Variants in UHRF1 observed in about 807,000 individuals in gnomAD.
The protein encoded by UHRF1 is E3 ubiquitin-protein ligase UHRF1.
A neutral mutation model predicts 96.5 loss-of-function variants in UHRF1; 9 were observed. The ratio of observed to expected loss-of-function variants is 0.09; its 90% CI spans 0.06 to 0.16. The LOEUF is 0.16. Among genes scored for constraint, UHRF1 ranks in the 10% least tolerant of loss-of-function variants. The probability of loss-of-function intolerance (pLI) is 1.00; values close to 1 mark genes in which losing one functional copy is unlikely to be tolerated. For synonymous variants in UHRF1, 455 were observed against 469.9 expected, an observed-to-expected ratio of 0.97 and a Z score of 0.41; for missense variants, 626 against 1,131.1, an observed-to-expected ratio of 0.55 and a Z score of 6.40.
intron 5 of UHRF1, among the ~76,000 whole-genome samples, chr19:4,933,465 C>T (rs1490485368): frequency 2.0e-5 from 3 of 152,152 alleles, no homozygotes; most frequent in East Asian, 1.9e-4. Context: ...CTGCCTGCCT[C>T]GGCCTCCCAA....
At chr19:4,959,481 C>A (rs1244664872) in intron 16 of UHRF1, among the ~76,000 whole-genome samples, 3 of 152,178 alleles carry the variant, frequency 2.0e-5, no homozygotes, top group African/African-American at 7.2e-5. Flanking sequence ...CATCTGTGCA[C>A]CTGTGTACGG....
chr19:4,948,200 C>T (rs1437991680), intron 11 of UHRF1, among the ~76,000 whole-genome samples: 3 of 151,506 alleles, frequency 2.0e-5, no homozygotes, highest in East Asian at 1.9e-4. Flanking sequence ...TGTCGTAGCA[C>T]AAAATCAGCC....
intron 2 of UHRF1, among the ~76,000 whole-genome samples, chr19:4,914,676 C>T (rs1288774086): frequency 6.7e-6 from 1 of 149,852 alleles, no homozygotes; most frequent in Non-Finnish European, 1.5e-5. Context: ...TTTTTGGCTG[C>T]ACATCAAAAT....
chr19:4,920,386 T>G (rs62112537), intron 2 of UHRF1, among the ~76,000 whole-genome samples: 1 of 151,704 alleles, frequency 6.6e-6, no homozygotes, highest in Admixed American at 6.6e-5. Flanking sequence ...GAGCTGAGAT[T>G]GCGCCACTGC....
intron 2 of UHRF1, among the ~76,000 whole-genome samples, chr19:4,928,519 G>A (rs1311786283): frequency 2.0e-5 from 3 of 152,216 alleles, no homozygotes; most frequent in African/African-American, 7.2e-5. Flanking sequence ...CAGGCCCCAG[G>A]GGTTGAGCGC....
At chr19:4,919,909 C>T (rs1764089932) in intron 2 of UHRF1, among the ~76,000 whole-genome samples, 1 of 151,948 alleles carries the variant, frequency 6.6e-6, no homozygotes, top group Admixed American at 6.6e-5. Flanking sequence ...CCTCCGCCTC[C>T]CGGGTTCAAG....
rs561963081 is a variant in UHRF1, at chr19:4,943,540, C to T, written c.1074-592C>T. 3.4e-5 allele frequency among the ~76,000 whole-genome samples: 5 copies of T among 146,106 alleles called. No individual in the cohort carries two copies. The East Asian group carries it at 1.1e-3, about 33-fold the overall frequency. The stretch of plus-strand genomic sequence containing the variant: ...AGAGATGGGGAAACTGAGTCCACGG[C>T]AGTGAGAAGGCACTCATGGAATCTG... On this transcript the variant is annotated intron_variant, in intron 7 of 16. Transcript: ENST00000650932.
intron 13 of UHRF1, among the ~76,000 whole-genome samples, chr19:4,951,906 C>A (rs1438272862): frequency 2.0e-5 from 3 of 152,142 alleles, no homozygotes; most frequent in Non-Finnish European, 4.4e-5. Context: ...AGCTTTACAG[C>A]AGACGAATCG....
chr19:4,934,026 T>G (rs1162495309), intron 5 of UHRF1, among the ~76,000 whole-genome samples: 2 of 132,182 alleles, frequency 1.5e-5, no homozygotes, highest in Non-Finnish European at 3.2e-5. Context: ...AAAATTTACC[T>G]TTTTTTTTTT....
intron 2 of UHRF1, among the ~76,000 whole-genome samples, chr19:4,928,684 T>C (rs2032948404): frequency 6.6e-6 from 1 of 152,162 alleles, no homozygotes; most frequent in African/African-American, 2.4e-5. Context: ...ACAGGGTCTC[T>C]CTGTCTCGAC....
chr19:4,943,380 C>A (rs773663497), intron 7 of UHRF1, among the ~76,000 whole-genome samples: 1 of 151,944 alleles, frequency 6.6e-6, no homozygotes, highest in African/African-American at 2.4e-5. Flanking sequence ...GTGTTCCTGG[C>A]GCACATAATG....
intron 5 of UHRF1, among the ~76,000 whole-genome samples, chr19:4,939,572 C>T (rs2033321506): frequency 6.6e-6 from 1 of 152,052 alleles, no homozygotes; most frequent in Non-Finnish European, 1.5e-5. Context: ...TGGCTCTATC[C>T]AGACTGTAGA....
intron 13 of UHRF1, among the ~76,000 whole-genome samples, chr19:4,951,585 C>T (rs529048574): frequency 1.8e-4 from 27 of 151,900 alleles, no homozygotes; most frequent in Middle Eastern, 3.4e-3. Context: ...CTCCGCCTGC[C>T]GCATCTCAGA....
rs35008694 is a variant in UHRF1 at position 4,924,826 on chromosome 19, GT to G, written c.154-4377del. On this transcript the variant is annotated intron_variant, in intron 2 of 16. Coordinates refer to ENST00000650932, the MANE Select transcript of UHRF1 (RefSeq NM_001048201.3). ...CACCAAGGCTTGCCCTTGGTGTTAA[GT>G]TTTTTTTTTTTTTTTTTTGAGACAG... 7.4e-3 allele frequency among the ~76,000 whole-genome samples: 937 copies of G among 127,302 alleles called. 4 individuals carry two copies. The highest frequency in any genetic ancestry group is 0.024 in the African/African-American group (802 of 33,942). The allele number at this position is 127,302 out of a possible 152,430, so 83.5% of individuals were successfully genotyped here. A position where few individuals can be genotyped will look rare whatever the true frequency, so the allele number is the denominator to read the frequency against.
chr19:4,924,351 G>A (rs1009945248), intron 2 of UHRF1, among the ~76,000 whole-genome samples: 6 of 152,022 alleles, frequency 3.9e-5, no homozygotes, highest in Admixed American at 6.6e-5. Context: ...GGGTTTCGCC[G>A]TGTTAGCCAG....
At chr19:4,926,735 A>G (rs1476227208) in intron 2 of UHRF1, among the ~76,000 whole-genome samples, 1 of 151,646 alleles carries the variant, frequency 6.6e-6, no homozygotes, top group African/African-American at 2.4e-5. Flanking sequence ...ACTGCCCTCC[A>G]TCCTTGGCAA....
rs1568183470 is a variant in UHRF1 at position 4,954,219 on chromosome 19, T to C, written c.1819-131T>C. ...AAAACTAGATAAGGGAGGACTACCC[T>C]GTGCTCTTCAGGGGGATTGGGGGTC... On this transcript the variant is annotated intron_variant, in intron 13 of 16. Transcript: ENST00000650932. This position sits in a 1 kb window ranked among gnomAD's most constrained non-coding sequence, Gnocchi z 5.9. 2 of 1,367,932 alleles carry C rather than the reference T, an allele frequency of 1.5e-6. No individual in the cohort carries two copies. Among genetic ancestry groups the C allele is most frequent in the African/African-American group, 1.5e-5 (1 of 68,832 alleles). The allele number at this position is 1,367,932 out of a possible 1,614,324, so 84.7% of individuals were successfully genotyped here. A position where few individuals can be genotyped will look rare whatever the true frequency, so the allele number is the denominator to read the frequency against.
chr19:4,940,141 G>A (rs1179266178), intron 5 of UHRF1, among the ~76,000 whole-genome samples: 1 of 151,736 alleles, frequency 6.6e-6, no homozygotes, highest in Admixed American at 6.6e-5. Context: ...TGTCTACACT[G>A]GGTTCTATGG....
intron 1 of UHRF1, chr19:4,910,140 G>A (rs1462264979): frequency 6.6e-6 from 1 of 152,056 alleles, no homozygotes; most frequent in Non-Finnish European, 1.5e-5. Context: ...CGGCGGGGGT[G>A]GGCGTGGGCT....
Sources: gnomAD v4.1 joint callset for allele counts (sites outside exome capture counted in the v4.1 genomes callset) on GRCh38, gnomAD v4.1.1 for gene constraint, Gnocchi (gnomAD v3.1) non-coding constraint, MANE v1.5 for transcripts, NCBI Gene and HGNC (gene_info 2026-07-23, HGNC 2026-07-21) for gene names.